Variants in TBC1D19 observed in about 807,000 individuals in gnomAD.
TBC1D19 encodes TBC1 domain family, member 19.
TBC1D19 carries 60 observed loss-of-function variants against 89.0 expected under a neutral mutation model. The observed-to-expected ratio is 0.67, with a 90% CI of 0.55 to 0.84. The LOEUF is 0.84. Ranked by LOEUF, TBC1D19 falls within the 40% of genes least tolerant of loss-of-function variation. The probability of loss-of-function intolerance (pLI) is 0.00; values close to 1 mark genes in which losing one functional copy is unlikely to be tolerated. For missense variants in TBC1D19, 500 were observed against 610.8 expected (o/e 0.82, Z 1.91); for synonymous variants, 189 against 199.7 (o/e 0.95, Z 0.45).
intron 7 of TBC1D19, among the ~76,000 whole-genome samples, chr4:26,640,478 C>T (rs1743424225): frequency 6.6e-6 from 1 of 152,160 alleles, no homozygotes; most frequent in Non-Finnish European, 1.5e-5. Context: ...TCTGCAGCTC[C>T]CAGCGTGATC....
the TBC1D19 span, among the ~76,000 whole-genome samples, chr4:26,772,445 G>A: frequency 2.3e-5 from 3 of 131,272 alleles, no homozygotes; most frequent in African/African-American, 7.5e-5. Flanking sequence ...TTTTCTGGGT[G>A]GGGGGGAGCC....
the TBC1D19 span, among the ~76,000 whole-genome samples, chr4:26,815,287 C>G: frequency 6.6e-6 from 1 of 152,162 alleles, no homozygotes; most frequent in East Asian, 1.9e-4. Flanking sequence ...AAGCTTGGCC[C>G]AAAATGCTGA....
the TBC1D19 span, among the ~76,000 whole-genome samples, chr4:26,836,523 C>T: frequency 2.0e-5 from 3 of 152,178 alleles, no homozygotes; most frequent in Non-Finnish European, 4.4e-5. Flanking sequence ...CCCCAGCTGC[C>T]TTTCTATATT....
chr4:26,648,899 C>T (rs1744137718), intron 7 of TBC1D19, among the ~76,000 whole-genome samples: 1 of 151,860 alleles, frequency 6.6e-6, no homozygotes, highest in Admixed American at 6.6e-5. Context: ...AGGACAGTTC[C>T]TTAATTGATC....
intron 4 of TBC1D19, among the ~76,000 whole-genome samples, chr4:26,622,416 A>AAG (rs1742116379): frequency 6.6e-6 from 1 of 152,058 alleles, no homozygotes; most frequent in African/African-American, 2.4e-5. Flanking sequence ...GACTGAAAAG[A>AAG]AGAGATAGAG....
At chr4:26,715,301 CCA>C (rs573029966) in intron 13 of TBC1D19, among the ~76,000 whole-genome samples, 111 of 152,082 alleles carry the variant, frequency 7.3e-4, no homozygotes, top group African/African-American at 2.6e-3. Flanking sequence ...CCTTCAACTT[CCA>C]CATGTTACTC....
At chr4:26,816,867 A>G in the TBC1D19 span, among the ~76,000 whole-genome samples, 2 of 152,232 alleles carry the variant, frequency 1.3e-5, no homozygotes, top group Admixed American at 6.5e-5. Flanking sequence ...TTAGTAGTAT[A>G]AAAGTGGTGC....
At chr4:26,806,818 G>A in the TBC1D19 span, among the ~76,000 whole-genome samples, 2 of 152,176 alleles carry the variant, frequency 1.3e-5, no homozygotes, top group Admixed American at 6.5e-5. Flanking sequence ...CTCGTCTGAC[G>A]GCAGAGGCAA....
chr4:26,646,511 A>G (rs563073825), intron 7 of TBC1D19, among the ~76,000 whole-genome samples: 1 of 152,374 alleles, frequency 6.6e-6, no homozygotes, highest in East Asian at 1.9e-4. Context: ...ATACATGCAC[A>G]GATATGTTTA....
intron 4 of TBC1D19, among the ~76,000 whole-genome samples, chr4:26,627,777 T>C (rs1742525957): frequency 1.3e-5 from 2 of 152,218 alleles, no homozygotes; most frequent in South Asian, 4.1e-4. Flanking sequence ...TTGTAGATTC[T>C]GGATATTAGC....
At chr4:26,839,168 T>G in the TBC1D19 span, among the ~76,000 whole-genome samples, 1 of 152,244 alleles carries the variant, frequency 6.6e-6, no homozygotes, top group Non-Finnish European at 1.5e-5. Context: ...TGTGCAACTC[T>G]GCTTTCTTTC....
chr4:26,606,326 A>G lies in TBC1D19; in HGVS notation c.100-6843A>G, dbSNP rs150871800. On this transcript the variant is annotated intron_variant, in intron 1 of 20. Transcript: ENST00000264866. ...GCCAGGGTGGTAAGAAGGCTCTGTTATATGAAGAGAACTTGAAGAACCCAG... is the reference window on the plus strand; with the variant it reads ...GCCAGGGTGGTAAGAAGGCTCTGTTGTATGAAGAGAACTTGAAGAACCCAG... Among the ~76,000 whole-genome samples the G allele has an allele frequency of 2.6e-3, 389 of 152,346 alleles. 4 individuals are homozygous for G. The highest frequency in any genetic ancestry group is 9.1e-3 in the African/African-American group (378 of 41,584).
the TBC1D19 span, among the ~76,000 whole-genome samples, chr4:26,815,961 G>C: frequency 2.0e-5 from 3 of 152,194 alleles, no homozygotes; most frequent in Non-Finnish European, 4.4e-5. Flanking sequence ...TGCTCCCTGT[G>C]TGTGAGTTCC....
chr4:26,676,690 G>C (rs1224804269), intron 11 of TBC1D19, among the ~76,000 whole-genome samples: 1 of 149,764 alleles, frequency 6.7e-6, no homozygotes, highest in East Asian at 2.0e-4. Context: ...CTGCACTCCA[G>C]CCTGGGCAGC....
chr4:26,656,981 T>TTCTC (rs1744870914), intron 7 of TBC1D19, among the ~76,000 whole-genome samples: 1 of 7,132 alleles, frequency 1.4e-4, no homozygotes, highest in African/African-American at 2.7e-4. Flanking sequence ...TTCTTCTTCT[T>TTCTC]CTTCTTCTTC....
chr4:26,776,324 C>T, the TBC1D19 span, among the ~76,000 whole-genome samples: 2 of 152,032 alleles, frequency 1.3e-5, no homozygotes, highest in African/African-American at 2.4e-5. Flanking sequence ...TTCAAGAATA[C>T]AAGAGGTGAT....
At chr4:26,760,912 G>T (rs969824217), downstream of TBC1D19, among the ~76,000 whole-genome samples, 7 of 152,228 alleles carry the variant, frequency 4.6e-5, no homozygotes, top group African/African-American at 1.7e-4. Flanking sequence ...TGTGTATGGT[G>T]CAAGTTAAGG....
At chr4:26,722,465 T>C (rs1365360342) in intron 15 of TBC1D19, among the ~76,000 whole-genome samples, 1 of 152,118 alleles carries the variant, frequency 6.6e-6, no homozygotes, top group Non-Finnish European at 1.5e-5. Flanking sequence ...AAAAGGCTGA[T>C]ATAGATATGA....
intron 11 of TBC1D19, among the ~76,000 whole-genome samples, chr4:26,677,404 C>T (rs918682182): frequency 4.0e-5 from 6 of 151,836 alleles, no homozygotes; most frequent in Non-Finnish European, 5.9e-5. Flanking sequence ...CTGCAAGCTC[C>T]GCCTCCCAGG....
Sources: gnomAD v4.1 joint callset for allele counts (sites outside exome capture counted in the v4.1 genomes callset) on GRCh38, gnomAD v4.1.1 for gene constraint, MANE v1.5 for transcripts, NCBI Gene and HGNC (gene_info 2026-07-23, HGNC 2026-07-21) for gene names.